The following MYO16 variants were observed in gnomAD, a reference collection of about 807,000 sequenced individuals.
The protein encoded by MYO16 is unconventional myosin-XVI.
A neutral mutation model predicts 205.3 loss-of-function variants in MYO16; 94 were observed. That is an observed-to-expected ratio of 0.46 (90% CI 0.39 to 0.54). MYO16 has a LOEUF of 0.54. Ranked by LOEUF, MYO16 falls within the 20% of genes least tolerant of loss-of-function variation. The pLI, the probability that MYO16 is intolerant of heterozygous loss-of-function variation, is 0.00. For missense variants in MYO16, 2,315 were observed against 2,387.5 expected (o/e 0.97, Z 0.63); for synonymous variants, 988 against 954.0 (o/e 1.04, Z -0.66).
rs556889823 is a variant in MYO16 at position 108,781,087 on chromosome 13, A to G, written c.508-4548A>G. Reference sequence around the variant, plus strand: ...TATTTGTTTTGTTGTAATTAAGAATACATGACTCCTAATTGTATTCACTAT... The same window carrying G: ...TATTTGTTTTGTTGTAATTAAGAATGCATGACTCCTAATTGTATTCACTAT... On this transcript the variant is annotated intron_variant, in intron 4 of 34. Transcript: ENST00000457511. 5.9e-5 allele frequency among the ~76,000 whole-genome samples: 9 copies of G among 152,372 alleles called. No homozygotes were observed. The South Asian group carries it at 1.9e-3, about 32-fold the overall frequency.
At chr13:109,039,331 A>G (rs35056212) in intron 23 of MYO16, among the ~76,000 whole-genome samples, 9,895 of 152,272 alleles carry the variant, frequency 0.065, 369 homozygotes, top group Non-Finnish European at 0.087. Flanking sequence ...GAACTGAACA[A>G]CACCATCACC....
intron 15 of MYO16, among the ~76,000 whole-genome samples, chr13:108,903,983 T>C (rs1207142700): frequency 6.6e-6 from 1 of 152,200 alleles, no homozygotes; most frequent in African/African-American, 2.4e-5. Context: ...GTTGTTACCA[T>C]TTTATTGGAC....
intron 2 of MYO16, among the ~76,000 whole-genome samples, chr13:108,677,357 A>AGG (rs1491262556): frequency 1.6e-5 from 1 of 64,144 alleles, no homozygotes; most frequent in African/African-American, 7.8e-5. Context: ...ATATATATGC[A>AGG]TATATATATA....
intron 27 of MYO16, among the ~76,000 whole-genome samples, chr13:109,073,170 C>T (rs997490938): frequency 6.6e-6 from 1 of 150,776 alleles, no homozygotes; most frequent in African/African-American, 2.4e-5. Flanking sequence ...GGCGCAATCT[C>T]AGCTCACTGG....
intron 4 of MYO16, among the ~76,000 whole-genome samples, chr13:108,773,057 T>C (rs959165952): frequency 1.3e-5 from 2 of 152,164 alleles, no homozygotes; most frequent in African/African-American, 2.4e-5. Context: ...GTCTTCATAG[T>C]TGGCTATCTT....
intron 14 of MYO16, among the ~76,000 whole-genome samples, chr13:108,895,689 G>A (rs978080784): frequency 2.4e-4 from 37 of 152,106 alleles, no homozygotes; most frequent in Non-Finnish European, 4.0e-4. Flanking sequence ...TTGAGCCTTG[G>A]GAAAACTAAT....
rs189035498 is a variant in MYO16, at chr13:108,827,834, C to T, written c.1097+4556C>T. ...TGCTGCTGAATATGCCCTTTAGCGT[C>T]TGAGCATGGACGTGCTCACCCAGGG... On this transcript the variant is annotated intron_variant, in intron 9 of 34. Coordinates refer to ENST00000457511, the MANE Select transcript of MYO16 (RefSeq NM_001198950.3). Among the ~76,000 whole-genome samples, 97 of 152,280 alleles carry T rather than the reference C, an allele frequency of 6.4e-4. No homozygotes were observed. In the East Asian group the frequency reaches 8.7e-3, roughly 14 times the overall value.
At chr13:108,772,028 G>A (rs1187323475) in intron 4 of MYO16, among the ~76,000 whole-genome samples, 1 of 152,154 alleles carries the variant, frequency 6.6e-6, no homozygotes, top group African/African-American at 2.4e-5. Flanking sequence ...CATGATTTCT[G>A]GGTCATGTAG....
the MYO16 span, among the ~76,000 whole-genome samples, chr13:108,532,452 A>G: frequency 3.3e-5 from 5 of 151,254 alleles, no homozygotes; most frequent in Admixed American, 3.3e-4. Flanking sequence ...CTTGTTTTTG[A>G]GAAGAGAGAG....
rs1471444644 is a variant in MYO16, at chr13:108,635,517, T to G, written c.28+5645T>G. ...ATGGTTTACCTATTTATTTTTTTTT[T>G]TTTGAGGGAGTCTCACTCTGTCACC... On this transcript the variant is annotated intron_variant, in intron 1 of 34. Coordinates refer to ENST00000457511, the MANE Select transcript of MYO16 (RefSeq NM_001198950.3). Among the ~76,000 whole-genome samples the G allele has an allele frequency of 2.0e-5, 3 of 151,848 alleles. No homozygotes were observed. The East Asian group carries it at 5.8e-4, about 30-fold the overall frequency.
intron 23 of MYO16, among the ~76,000 whole-genome samples, chr13:109,036,141 C>T (rs1041784958): frequency 2.6e-5 from 4 of 152,212 alleles, no homozygotes; most frequent in African/African-American, 7.2e-5. Flanking sequence ...CTCCAGCCAA[C>T]CCCTGGACCT....
chr13:108,704,870 G>T (rs1470793079), intron 2 of MYO16, among the ~76,000 whole-genome samples: 2 of 149,552 alleles, frequency 1.3e-5, no homozygotes, highest in Non-Finnish European at 3.0e-5. Context: ...AAACAATAGA[G>T]AAATCAATAA....
chr13:109,032,239 C>T (rs1886568660), intron 23 of MYO16, among the ~76,000 whole-genome samples: 1 of 152,170 alleles, frequency 6.6e-6, no homozygotes, highest in South Asian at 2.1e-4. Flanking sequence ...GGATTTAACA[C>T]AGCTCTGGCT....
chr13:108,823,061 T>C, intron 8 of MYO16, 64 bp from the exon 9 acceptor site: 1 of 1,416,770 alleles, frequency 7.1e-7, no homozygotes, highest in South Asian at 1.3e-5. Flanking sequence ...TTATTGAAAG[T>C]AAATAGATTT....
At chr13:108,595,045 T>A (rs1566496296), upstream of MYO16, among the ~76,000 whole-genome samples, 1 of 152,212 alleles carries the variant, frequency 6.6e-6, no homozygotes, top group Non-Finnish European at 1.5e-5. Context: ...TTCCTGACTT[T>A]AAATTCTTAA....
chr13:109,206,106 C>A (rs567954255), intron 34 of MYO16, among the ~76,000 whole-genome samples: 1 of 151,670 alleles, frequency 6.6e-6, no homozygotes, highest in East Asian at 1.9e-4. Flanking sequence ...AGTAGGGGTC[C>A]ATCTTTGGGT....
the MYO16 span, among the ~76,000 whole-genome samples, chr13:108,587,114 G>A: frequency 6.6e-6 from 1 of 152,286 alleles, no homozygotes; most frequent in Middle Eastern, 3.4e-3. Flanking sequence ...GAAATTAGGG[G>A]TTTATGTAGC....
intron 12 of MYO16, among the ~76,000 whole-genome samples, chr13:108,880,580 T>C (rs910749743): frequency 1.3e-5 from 2 of 152,254 alleles, no homozygotes; most frequent in East Asian, 1.9e-4. Flanking sequence ...TTTCTACATA[T>C]GGCTAGCCAG....
chr13:108,602,488 C>A (rs1271250749), intron 1 of MYO16, among the ~76,000 whole-genome samples: 2 of 152,116 alleles, frequency 1.3e-5, no homozygotes, highest in Non-Finnish European at 2.9e-5. Context: ...AATTTAATTT[C>A]TTCTTCCAAG....
Sources: gnomAD v4.1 joint callset for allele counts (sites outside exome capture counted in the v4.1 genomes callset) on GRCh38, gnomAD v4.1.1 for gene constraint, MANE v1.5 for transcripts, NCBI Gene and HGNC (gene_info 2026-07-23, HGNC 2026-07-21) for gene names.